Variants in OPCML observed in about 807,000 individuals in gnomAD.
OPCML encodes the protein opioid-binding protein/cell adhesion molecule.
Under a neutral mutation model 37.8 loss-of-function variants are expected in OPCML, and 13 were observed. That is an observed-to-expected ratio of 0.34 (90% CI 0.22 to 0.55). The LOEUF is 0.55. Ranked by LOEUF, OPCML falls within the 20% of genes least tolerant of loss-of-function variation. The pLI, the probability that OPCML is intolerant of heterozygous loss-of-function variation, is 0.91. For missense variants in OPCML, 341 were observed against 435.6 expected, an observed-to-expected ratio of 0.78 and a Z score of 1.93; for synonymous variants, 176 against 168.8, an observed-to-expected ratio of 1.04 and a Z score of -0.33.
At chr11:133,163,214 G>A (rs1388622648) in intron 1 of OPCML, among the ~76,000 whole-genome samples, 1 of 152,180 alleles carries the variant, frequency 6.6e-6, no homozygotes, top group Admixed American at 6.5e-5. Flanking sequence ...CAGAAGCTGA[G>A]CATTCTCTAA....
At chr11:133,449,986 T>A (rs1946549025) in intron 1 of OPCML, among the ~76,000 whole-genome samples, 1 of 151,722 alleles carries the variant, frequency 6.6e-6, no homozygotes, top group Non-Finnish European at 1.5e-5. Flanking sequence ...TGGGGAAATC[T>A]GGGAAAATGT....
intron 1 of OPCML, among the ~76,000 whole-genome samples, chr11:133,233,704 A>C (rs1940390378): frequency 6.6e-6 from 1 of 152,172 alleles, no homozygotes; most frequent in East Asian, 1.9e-4. Flanking sequence ...CCACTTCATT[A>C]GGGTTTTCAC....
intron 4 of OPCML, among the ~76,000 whole-genome samples, chr11:132,514,234 G>T (rs2096275002): frequency 6.6e-6 from 1 of 152,182 alleles, no homozygotes; most frequent in Non-Finnish European, 1.5e-5. Flanking sequence ...ATGAGGACAT[G>T]CCATGGCATG....
intron 2 of OPCML, among the ~76,000 whole-genome samples, chr11:132,696,658 T>G (rs1349265273): frequency 6.6e-6 from 1 of 152,082 alleles, no homozygotes; most frequent in Admixed American, 6.6e-5. Context: ...AAGAAGACCA[T>G]GATGGAAAGT....
chr11:132,544,321 C>T (rs955179204), intron 3 of OPCML, among the ~76,000 whole-genome samples: 14 of 152,174 alleles, frequency 9.2e-5, no homozygotes, highest in African/African-American at 3.1e-4. Flanking sequence ...GATCTCCTTA[C>T]TCACCACCTG....
chr11:133,225,884 T>A (rs912447198), intron 1 of OPCML, among the ~76,000 whole-genome samples: 3 of 152,230 alleles, frequency 2.0e-5, no homozygotes, highest in Non-Finnish European at 4.4e-5. Flanking sequence ...GATTAACATT[T>A]AAGTGTTTAT....
chr11:133,248,647 G>T (rs769717010), intron 1 of OPCML, among the ~76,000 whole-genome samples: 8 of 152,184 alleles, frequency 5.3e-5, no homozygotes, highest in Non-Finnish European at 1.2e-4. Context: ...GTGGAGAAAG[G>T]ACAAGGTGGT....
chr11:132,861,621 G>A (rs1240045084), intron 2 of OPCML, among the ~76,000 whole-genome samples: 1 of 152,088 alleles, frequency 6.6e-6, no homozygotes, highest in Non-Finnish European at 1.5e-5. Context: ...TGAATCACGA[G>A]GTCAGGAGAT....
intron 1 of OPCML, among the ~76,000 whole-genome samples, chr11:133,386,092 A>G (rs1945042905): frequency 6.6e-6 from 1 of 152,204 alleles, no homozygotes; most frequent in Non-Finnish European, 1.5e-5. Context: ...GAAGTGTGAG[A>G]ATGGGATGAA....
At chr11:133,201,468 C>T (rs1220520013) in intron 1 of OPCML, among the ~76,000 whole-genome samples, 1 of 152,096 alleles carries the variant, frequency 6.6e-6, no homozygotes. Flanking sequence ...TTTTTCTCCC[C>T]CATTGCTCTA....
chr11:132,851,965 T>G (rs1260352218), intron 2 of OPCML, among the ~76,000 whole-genome samples: 1 of 152,206 alleles, frequency 6.6e-6, no homozygotes, highest in African/African-American at 2.4e-5. Context: ...TAAAAGCATT[T>G]GAAAAACAGC....
intron 3 of OPCML, among the ~76,000 whole-genome samples, chr11:132,584,300 C>G (rs1354899417): frequency 6.6e-6 from 1 of 151,998 alleles, no homozygotes; most frequent in African/African-American, 2.4e-5. Context: ...AAATTTAAAG[C>G]ATTTTTTTAT....
chr11:132,624,954 G>A (rs184075711), intron 3 of OPCML, among the ~76,000 whole-genome samples: 33 of 152,204 alleles, frequency 2.2e-4, no homozygotes, highest in South Asian at 1.9e-3. Flanking sequence ...TGGGTATCCT[G>A]TATTTTTTCT....
chr11:132,998,024 T>G (rs1170816382), intron 1 of OPCML, among the ~76,000 whole-genome samples: 1 of 152,176 alleles, frequency 6.6e-6, no homozygotes, highest in African/African-American at 2.4e-5. Flanking sequence ...ACCTGTCATA[T>G]GCCACAAAAT....
At chr11:133,395,406 T>A (rs1592262421) in intron 1 of OPCML, among the ~76,000 whole-genome samples, 1 of 152,208 alleles carries the variant, frequency 6.6e-6, no homozygotes, top group South Asian at 2.1e-4. Flanking sequence ...CTTCATGTGA[T>A]CCCATTTGTC....
chr11:133,379,050 T>C (rs1297079148), intron 1 of OPCML, among the ~76,000 whole-genome samples: 2 of 152,184 alleles, frequency 1.3e-5, no homozygotes, highest in African/African-American at 4.8e-5. Context: ...AGCTACCACA[T>C]TGGCCACTAT....
intron 1 of OPCML, among the ~76,000 whole-genome samples, chr11:133,175,983 G>A (rs1437114295): frequency 1.2e-4 from 19 of 152,094 alleles, no homozygotes; most frequent in Non-Finnish European, 2.9e-5. Flanking sequence ...TTCAGACCTG[G>A]GTATGCATGA....
chr11:132,757,660 T>C (rs1946103629), intron 2 of OPCML, among the ~76,000 whole-genome samples: 1 of 152,240 alleles, frequency 6.6e-6, no homozygotes, highest in Non-Finnish European at 1.5e-5. Context: ...TTTTTTCTTG[T>C]AAAATTGTTT....
chr11:133,461,474 G>A (rs576719828), intron 1 of OPCML, among the ~76,000 whole-genome samples: 160 of 151,822 alleles, frequency 1.1e-3, no homozygotes, highest in Admixed American at 3.0e-3. Flanking sequence ...GGAAATTAAA[G>A]AACAATTCCA....
Sources: allele counts gnomAD v4.1 joint callset (sites outside exome capture counted in the v4.1 genomes callset), GRCh38; gene constraint gnomAD v4.1.1; transcripts MANE v1.5; gene names NCBI Gene and HGNC (gene_info 2026-07-23, HGNC 2026-07-21).